Variants in CYLD observed in about 807,000 individuals in gnomAD.
The protein encoded by CYLD is CYLD lysine 63 deubiquitinase, also known as ubiquitin carboxyl-terminal hydrolase CYLD.
Under a neutral mutation model 104.5 loss-of-function variants are expected in CYLD, and 26 were observed. That is an observed-to-expected ratio of 0.25 (90% CI 0.18 to 0.35). The LOEUF (loss-of-function observed/expected upper bound fraction) is 0.35. Among genes scored for constraint, CYLD ranks in the 10% least tolerant of loss-of-function variants. The probability of loss-of-function intolerance (pLI) is 1.00; values close to 1 mark genes in which losing one functional copy is unlikely to be tolerated. For synonymous variants in CYLD, 385 were observed against 399.9 expected, an observed-to-expected ratio of 0.96 and a Z score of 0.45; for missense variants, 703 against 1,136.1, an observed-to-expected ratio of 0.62 and a Z score of 5.48.
At chr16:50,793,742 T>C in intron 17 of CYLD, 78 bp downstream of exon 17, 1 of 994,656 alleles carries the variant, frequency 1.0e-6, no homozygotes, top group Non-Finnish European at 1.6e-6. Flanking sequence ...ATGCTCGTTT[T>C]GGAAAGTTTT....
intron 3 of CYLD, among the ~76,000 whole-genome samples, chr16:50,750,716 C>T (rs1966550897): frequency 2.0e-5 from 3 of 152,122 alleles, no homozygotes; most frequent in East Asian, 1.9e-4. Flanking sequence ...TTTAACATTG[C>T]CTGTATTAAA....
intron 5 of CYLD, among the ~76,000 whole-genome samples, chr16:50,771,583 T>C (rs1000170505): frequency 6.6e-6 from 1 of 152,170 alleles, no homozygotes; most frequent in Non-Finnish European, 1.5e-5. Context: ...AACTGCCAAA[T>C]GGTTTTCTGA....
chr16:50,752,756 A>G (rs910637336), intron 4 of CYLD, among the ~76,000 whole-genome samples: 1 of 152,190 alleles, frequency 6.6e-6, no homozygotes, highest in Non-Finnish European at 1.5e-5. Context: ...ATAAGAGTGG[A>G]ATCATACAAC....
intron 2 of CYLD, among the ~76,000 whole-genome samples, chr16:50,748,639 G>A (rs532823866): frequency 6.6e-6 from 1 of 152,162 alleles, no homozygotes; most frequent in African/African-American, 2.4e-5. Context: ...ATATTCCCTT[G>A]CTATGTAGTA....
chr16:50,777,813 T>C lies in CYLD; in HGVS notation c.1022-12T>C. 1.4e-6 allele frequency: 2 copies of C among 1,416,184 alleles called. No individual in the cohort carries two copies. The highest frequency in any genetic ancestry group is 2.0e-6 in the Non-Finnish European group (2 of 1,002,516). The allele number at this position is 1,416,184 out of a possible 1,614,324, so 87.7% of individuals were successfully genotyped here. On this transcript the variant is annotated splice_polypyrimidine_tract_variant and intron_variant, in intron 7 of 18. Transcript: ENST00000427738. Reference sequence around the variant, plus strand: ...ACTTTATTTTTAAATGAAACTTTTCTTGTTCCTATAGGATCTACCTCAGAC... The same window carrying C: ...ACTTTATTTTTAAATGAAACTTTTCCTGTTCCTATAGGATCTACCTCAGAC...
At chr16:50,782,525 GGTGTGTGT>G (rs533669286) in intron 11 of CYLD, 59 bp downstream of exon 11, 124 of 1,462,470 alleles carry the variant, frequency 8.5e-5, no homozygotes, top group Non-Finnish European at 1.1e-4. Context: ...GACACATACC[GGTGTGTGT>G]GTGTGTGTGC....
At chr16:50,764,772 C>G (rs1256569502) in intron 5 of CYLD, among the ~76,000 whole-genome samples, 1 of 152,172 alleles carries the variant, frequency 6.6e-6, no homozygotes, top group South Asian at 2.1e-4. Flanking sequence ...GGTGAGAGTA[C>G]TACTGGCCTC....
chr16:50,789,386 T>C (rs1971194610), intron 14 of CYLD, among the ~76,000 whole-genome samples: 1 of 152,318 alleles, frequency 6.6e-6, no homozygotes, highest in South Asian at 2.1e-4. Context: ...TTTTACCCTT[T>C]TTCTAGCCTA....
intron 5 of CYLD, among the ~76,000 whole-genome samples, chr16:50,768,188 C>A (rs971835716): frequency 2.0e-5 from 3 of 151,908 alleles, no homozygotes; most frequent in African/African-American, 7.3e-5. Flanking sequence ...AGAATGATAC[C>A]AGCATTTATA....
In CYLD at chr16:50,784,451, T is replaced by C. The variant is rs773205473; in HGVS notation, c.1949T>C (p.Ile650Thr). The part of the protein sequence containing the change: ...LRTEIVNPLR[I>T]YGYVCATKIM... ...ACAGAAATTGTTAATCCTCTGAGAATGTAAGTAGAAAACAAATTGCTATTT... is the reference window on the plus strand; with the variant it reads ...ACAGAAATTGTTAATCCTCTGAGAACGTAAGTAGAAAACAAATTGCTATTT... The change falls in exon 12 of 19, where the codon ATA (isoleucine) becomes ACA (threonine). Residue 650 changes from isoleucine (I) to threonine (T), a missense_variant and splice_region_variant. Physicochemically the swap from Ile to Thr is moderately conservative, Grantham distance 89. Around this residue, in one of 5 missense-constraint regions of CYLD, gnomAD observed 125 missense variants for 325.4 expected, o/e 0.38. Coordinates refer to ENST00000427738, the MANE Select transcript of CYLD (RefSeq NM_001378743.1). 6.2e-7 allele frequency: 1 copy of C among 1,612,390 alleles called. No homozygotes were observed. The highest frequency in any genetic ancestry group is 8.5e-7 in the Non-Finnish European group (1 of 1,179,636).
At position 50,792,641 on chromosome 16, in the gene CYLD, C is replaced by T; in HGVS notation, c.2286C>T (p.Asp762=). The T allele has an allele frequency of 6.2e-7, 1 of 1,603,842 alleles. No homozygotes were observed. The highest frequency in any genetic ancestry group is 1.7e-5 in the Admixed American group (1 of 59,744). The change falls in exon 16 of 19, where the codon GAC becomes GAT. Residue 762 remains aspartate (D), a synonymous_variant. Transcript: ENST00000427738. ...LIIQMPRFGK[D]FKLFKKIFPS... The stretch of plus-strand genomic sequence containing the variant: ...TTCAGATGCCTCGATTTGGAAAAGA[C>T]TTTAAACTATTTAAAAAAATTTTTC...
At chr16:50,792,798 A>G (rs536984443) in intron 16 of CYLD, 93 bp downstream of exon 16, 1 of 709,232 alleles carries the variant, frequency 1.4e-6, no homozygotes, top group South Asian at 1.6e-5. Context: ...AACTGGACAC[A>G]GTATTTCCCA....
rs1972213993 is a variant in CYLD, at chr16:50,798,357, C to T, written c.*1849C>T. 4.3e-6 allele frequency: 1 copy of T among 231,610 alleles called. No homozygotes were observed. The highest frequency in any genetic ancestry group is 5.6e-5 in the Admixed American group (1 of 17,730). 14.3% of individuals were successfully genotyped at this position (231,610 alleles called of 1,614,324 possible). A position where few individuals can be genotyped will look rare whatever the true frequency, so the allele number is the denominator to read the frequency against. ...TACATCCGTATTGAACATGTACAGA[C>T]TTTTTTCTTGTCATTATTCTCTGAA... On this transcript the variant is annotated 3_prime_UTR_variant, in exon 19 of 19. Transcript: ENST00000427738.
chr16:50,761,746 A>ATATCTCTATATCTATCTATC (rs1555506334), intron 5 of CYLD, among the ~76,000 whole-genome samples: 3 of 149,778 alleles, frequency 2.0e-5, no homozygotes, highest in Non-Finnish European at 3.0e-5. Context: ...ACATATCTCT[A>ATATCTCTATATCTATCTATC]TATCTATCTA....
In CYLD at chr16:50,792,663, T is replaced by G; in HGVS notation, c.2308T>G (p.Phe770Val). The part of the protein sequence containing the change: ...GKDFKLFKKI[F>V]PSLELNITDL... The stretch of plus-strand genomic sequence containing the variant: ...AGACTTTAAACTATTTAAAAAAATT[T>G]TTCCTTCTCTGGAATTAAATATAAC... Residue 770 changes from phenylalanine (F) to valine (V), a missense_variant, in exon 16 of 19, where the codon TTT (phenylalanine) becomes GTT (valine). Physicochemically the swap from Phe to Val is conservative, Grantham distance 50. Around this residue, in one of 5 missense-constraint regions of CYLD, gnomAD observed 125 missense variants for 325.4 expected, o/e 0.38. Coordinates refer to ENST00000427738, the MANE Select transcript of CYLD (RefSeq NM_001378743.1). 1 of 1,592,216 alleles carries G rather than the reference T, an allele frequency of 6.3e-7. No homozygotes were observed. Among genetic ancestry groups the G allele is most frequent in the Non-Finnish European group, 8.6e-7 (1 of 1,162,788 alleles).
chr16:50,794,080 A>C lies in CYLD; in HGVS notation c.2470-132A>C. 1.2e-6 allele frequency: 1 copy of C among 804,442 alleles called. No homozygotes were observed. The highest frequency in any genetic ancestry group is 1.5e-5 in the South Asian group (1 of 67,314). The allele number at this position is 804,442 out of a possible 1,614,324, so 49.8% of individuals were successfully genotyped here. A position where few individuals can be genotyped will look rare whatever the true frequency, so the allele number is the denominator to read the frequency against. On this transcript the variant is annotated intron_variant, in intron 17 of 18. Transcript: ENST00000427738. This position sits in a 1 kb window ranked among gnomAD's most constrained non-coding sequence, Gnocchi z 4.1. The stretch of plus-strand genomic sequence containing the variant: ...GTAGCTGGGACTGCAGGCGCCTGCC[A>C]CCACGCCCAGCTAATTTTTGTATTT...
chr16:50,753,133 T>C (rs1238306021), intron 4 of CYLD, among the ~76,000 whole-genome samples: 1 of 152,164 alleles, frequency 6.6e-6, no homozygotes, highest in East Asian at 1.9e-4. Context: ...TCCAGGAAAT[T>C]CTATCTGATA....
chr16:50,780,230 A>G (rs1970091355), intron 9 of CYLD, among the ~76,000 whole-genome samples, 186 bp downstream of exon 9: 1 of 152,110 alleles, frequency 6.6e-6, no homozygotes, highest in Non-Finnish European at 1.5e-5. Context: ...CACTTGTCCT[A>G]ATGTTAGTTG....
chr16:50,777,992 T>A, intron 8 of CYLD, 51 bp downstream of exon 8: 1 of 1,086,520 alleles, frequency 9.2e-7, no homozygotes, highest in Non-Finnish European at 1.4e-6. Context: ...TTCTAACTCA[T>A]CAGAGAAAAA....
Sources: allele counts gnomAD v4.1 joint callset (sites outside exome capture counted in the v4.1 genomes callset), GRCh38; gene constraint gnomAD v4.1.1; regional missense constraint gnomAD v4.1.1; non-coding constraint Gnocchi (gnomAD v3.1); transcripts MANE v1.5; gene names NCBI Gene and HGNC (gene_info 2026-07-23, HGNC 2026-07-21).